Variants in ACBD6 observed in about 807,000 individuals in gnomAD.
ACBD6 encodes the protein acyl-CoA-binding domain-containing protein 6.
Under a neutral mutation model 37.2 loss-of-function variants are expected in ACBD6, and 28 were observed. That is an observed-to-expected ratio of 0.75 (90% confidence interval 0.56 to 1.03). The LOEUF is 1.03. Among genes scored for constraint, ACBD6 ranks in the 50% least tolerant of loss-of-function variants. The pLI, the probability that ACBD6 is intolerant of heterozygous loss-of-function variation, is 0.00. For missense variants in ACBD6, 340 were observed against 337.4 expected (o/e 1.01, Z -0.06); for synonymous variants, 113 against 126.8 (o/e 0.89, Z 0.73).
intron 6 of ACBD6, among the ~76,000 whole-genome samples, chr1:180,392,824 C>T (rs956846044): frequency 6.6e-6 from 1 of 151,836 alleles, no homozygotes; most frequent in African/African-American, 2.4e-5. Context: ...CGAGAGGGCG[C>T]AGGGCTAGTC....
chr1:180,408,002 T>C (rs1374760160), intron 5 of ACBD6, among the ~76,000 whole-genome samples: 1 of 152,160 alleles, frequency 6.6e-6, no homozygotes, highest in Non-Finnish European at 1.5e-5. Flanking sequence ...AGATAAAATA[T>C]ACAGACTGTC....
chr1:180,373,271 T>C (rs1653325316), intron 6 of ACBD6, among the ~76,000 whole-genome samples: 1 of 152,214 alleles, frequency 6.6e-6, no homozygotes, highest in Admixed American at 6.5e-5. Flanking sequence ...CCAAACATGT[T>C]CTTTGAATAC....
At chr1:180,477,978 T>TTAAAAAAAAAAA (rs1650864754) in intron 3 of ACBD6, among the ~76,000 whole-genome samples, 1 of 145,082 alleles carries the variant, frequency 6.9e-6, no homozygotes, top group African/African-American at 2.6e-5. Flanking sequence ...TCCATCTCTT[T>TTAAAAAAAAAAA]AAAAAAAAAA....
chr1:180,463,756 A>C (rs987408495), intron 3 of ACBD6, among the ~76,000 whole-genome samples: 1 of 152,198 alleles, frequency 6.6e-6, no homozygotes, highest in African/African-American at 2.4e-5. Flanking sequence ...CACAACAAAA[A>C]AAGAAAATTT....
intron 6 of ACBD6, among the ~76,000 whole-genome samples, chr1:180,368,207 T>C (rs1378234921): frequency 6.6e-6 from 1 of 152,176 alleles, no homozygotes; most frequent in Non-Finnish European, 1.5e-5. Context: ...TGTCTGTCCC[T>C]GTTTTTTTGT....
chr1:180,397,635 T>C, intron 5 of ACBD6, 30 bp from the exon 6 acceptor site: 1 of 1,553,498 alleles, frequency 6.4e-7, no homozygotes. Context: ...ATGAATTTGT[T>C]ATCTCAGTTG....
intron 6 of ACBD6, among the ~76,000 whole-genome samples, chr1:180,349,222 C>T (rs2101890332): frequency 6.6e-6 from 1 of 151,282 alleles, no homozygotes; most frequent in Admixed American, 6.6e-5. Context: ...TGTATCGTTC[C>T]ATTTTTTTAG....
chr1:180,442,403 G>A (rs571154796), intron 3 of ACBD6, among the ~76,000 whole-genome samples: 2 of 152,228 alleles, frequency 1.3e-5, no homozygotes, highest in South Asian at 4.2e-4. Flanking sequence ...CAGAGTCACT[G>A]CTAAATGTCC....
chr1:180,313,862 A>C (rs958928535), intron 7 of ACBD6, among the ~76,000 whole-genome samples: 1 of 152,126 alleles, frequency 6.6e-6, no homozygotes, highest in Non-Finnish European at 1.5e-5. Context: ...ATTTACTAGG[A>C]CTTTACATTT....
intron 6 of ACBD6, among the ~76,000 whole-genome samples, chr1:180,329,863 C>G (rs1454193824): frequency 6.6e-6 from 1 of 152,140 alleles, no homozygotes; most frequent in African/African-American, 2.4e-5. Flanking sequence ...AGAAGTAACT[C>G]TTTTTACTGG....
intron 3 of ACBD6, among the ~76,000 whole-genome samples, chr1:180,466,781 G>A (rs1020303989): frequency 5.9e-5 from 9 of 151,890 alleles, no homozygotes; most frequent in Non-Finnish European, 1.2e-4. Context: ...CTTTCTTAAA[G>A]TTTTCTAGGC....
Position 180,492,265 on chromosome 1 carries a change from T to C in ACBD6, c.384+4A>G. On this transcript the variant is annotated splice_donor_region_variant and intron_variant, in intron 3 of 7. Coordinates refer to ENST00000367595, the MANE Select transcript of ACBD6 (RefSeq NM_032360.4). The stretch of plus-strand genomic sequence containing the variant: ...AAGTATTATTTATAATCATTAAGTC[T>C]TACCTGAGGATTCCAACCTGGATCT... The C allele has an allele frequency of 1.2e-6, 2 of 1,606,888 alleles. No individual in the cohort carries two copies. The highest frequency in any genetic ancestry group is 1.7e-6 in the Non-Finnish European group (2 of 1,173,460).
At chr1:180,498,121 A>G (rs1651806037) in intron 1 of ACBD6, among the ~76,000 whole-genome samples, 1 of 152,244 alleles carries the variant, frequency 6.6e-6, no homozygotes. Flanking sequence ...AAATGTTGAC[A>G]CATTTCATGA....
intron 4 of ACBD6, among the ~76,000 whole-genome samples, chr1:180,418,928 G>A (rs1403165523): frequency 6.6e-6 from 1 of 152,192 alleles, no homozygotes; most frequent in African/African-American, 2.4e-5. Flanking sequence ...ACTTAATAAA[G>A]TGTTTTTTTG....
At chr1:180,271,498 G>A (rs751472840) in exon 14 of ACBD6, 3 of 1,614,078 alleles carry the variant, frequency 1.9e-6, no homozygotes, top group Admixed American at 1.7e-5. Flanking sequence ...GGGAGCAGCT[G>A]TCCTCAGAGA....
exon 14 of ACBD6, chr1:180,269,685 A>C (rs564814585): frequency 6.6e-6 from 1 of 152,350 alleles, no homozygotes; most frequent in African/African-American, 2.4e-5. Flanking sequence ...ACATTTTTTA[A>C]TATAAAGATT....
chr1:180,411,522 G>C (rs1475266695), intron 5 of ACBD6, among the ~76,000 whole-genome samples: 2 of 152,204 alleles, frequency 1.3e-5, no homozygotes, highest in Non-Finnish European at 2.9e-5. Flanking sequence ...TTTACCGCAA[G>C]AAGATTATGA....
At chr1:180,398,496 T>G (rs938328952) in intron 5 of ACBD6, among the ~76,000 whole-genome samples, 2 of 152,198 alleles carry the variant, frequency 1.3e-5, no homozygotes, top group Non-Finnish European at 2.9e-5. Context: ...TCAAAAACAC[T>G]AGTACAATCT....
chr1:180,416,203 T>C (rs1648087368), intron 4 of ACBD6, among the ~76,000 whole-genome samples: 1 of 152,176 alleles, frequency 6.6e-6, no homozygotes, highest in South Asian at 2.1e-4. Context: ...TGTCACCATC[T>C]AGTGGCCAAA....
Sources: allele counts gnomAD v4.1 joint callset (sites outside exome capture counted in the v4.1 genomes callset), GRCh38; gene constraint gnomAD v4.1.1; transcripts MANE v1.5; gene names NCBI Gene and HGNC (gene_info 2026-07-23, HGNC 2026-07-21).